The following DOP1A variants were observed in gnomAD, a reference collection of about 807,000 sequenced individuals.
The protein encoded by DOP1A is DOP1 leucine zipper like protein A.
Under a neutral mutation model 267.6 loss-of-function variants are expected in DOP1A, and 90 were observed. The observed-to-expected ratio is 0.34, with a 90% CI of 0.28 to 0.40. The LOEUF (loss-of-function observed/expected upper bound fraction) is 0.40. Ranked by LOEUF, DOP1A falls within the 10% of genes least tolerant of loss-of-function variation. The pLI is 1.00. For missense variants in DOP1A, 2,437 were observed against 2,900.4 expected (o/e 0.84, Z 3.67); for synonymous variants, 932 against 999.1 (o/e 0.93, Z 1.27).
In DOP1A at chr6:83,100,340, A is replaced by G. The variant is rs1464365925; in HGVS notation, c.139-365A>G. Among the ~76,000 whole-genome samples the G allele has an allele frequency of 2.6e-5, 4 of 152,144 alleles. No individual in the cohort carries two copies. The East Asian group carries it at 7.7e-4, about 29-fold the overall frequency. ...ATTTCAAAGTAGCAAAAATGGATTG[A>G]AGGCTGTAACTTTCCATGTTACATG... On this transcript the variant is annotated intron_variant, in intron 3 of 38. Coordinates refer to ENST00000349129, the MANE Select transcript of DOP1A (RefSeq NM_015018.4).
chr6:83,090,385 A>G (rs888593919), intron 1 of DOP1A, among the ~76,000 whole-genome samples: 1 of 152,178 alleles, frequency 6.6e-6, no homozygotes, highest in Non-Finnish European at 1.5e-5. Flanking sequence ...CCTACCGTCT[A>G]CTGCCTGTCT....
intron 37 of DOP1A, chr6:83,161,367 T>A (rs1784194066): frequency 1.3e-5 from 2 of 152,184 alleles, no homozygotes; most frequent in Admixed American, 1.3e-4. Flanking sequence ...GAGTAATATC[T>A]TAGCATGATC....
intron 3 of DOP1A, among the ~76,000 whole-genome samples, chr6:83,097,424 G>T (rs1003529573): frequency 2.6e-5 from 4 of 152,190 alleles, no homozygotes; most frequent in African/African-American, 7.2e-5. Flanking sequence ...TTCTGTAATG[G>T]AGCATCAGAT....
intron 38 of DOP1A, chr6:83,166,378 C>T (rs761605145): frequency 8.4e-5 from 59 of 700,542 alleles, no homozygotes; most frequent in Non-Finnish European, 1.3e-5. Context: ...TGCAAAACTT[C>T]TTGAGCCATC....
intron 6 of DOP1A, among the ~76,000 whole-genome samples, chr6:83,110,830 G>A (rs1021890830): frequency 6.6e-6 from 1 of 152,054 alleles, no homozygotes; most frequent in African/African-American, 2.4e-5. Flanking sequence ...TGACATTACT[G>A]ATATTTTAAT....
intron 6 of DOP1A, 70 bp downstream of exon 6, chr6:83,110,384 A>G (rs1774347450): frequency 6.9e-6 from 10 of 1,459,750 alleles, no homozygotes; most frequent in Non-Finnish European, 8.4e-6. Flanking sequence ...CCAGACATAT[A>G]TTGAGGATTG....
intron 33 of DOP1A, 39 bp from the exon 34 acceptor site, chr6:83,155,912 A>G (rs1170407984): frequency 4.4e-6 from 7 of 1,588,096 alleles, no homozygotes; most frequent in Non-Finnish European, 6.0e-6. Flanking sequence ...ATCTTTCTTC[A>G]GATGACAGTG....
intron 10 of DOP1A, 29 bp downstream of exon 10, chr6:83,120,820 T>C: frequency 2.9e-6 from 4 of 1,398,488 alleles, no homozygotes; most frequent in Non-Finnish European, 3.9e-6. Context: ...GGGCATAAGG[T>C]CATGTGTGGT....
intron 34 of DOP1A, among the ~76,000 whole-genome samples, chr6:83,156,872 T>C (rs1782917510): frequency 6.6e-6 from 1 of 152,198 alleles, no homozygotes; most frequent in Admixed American, 6.5e-5. Context: ...CTACTCAAAG[T>C]ATGGTCCATG....
intron 38 of DOP1A, 186 bp from the exon 39 acceptor site, chr6:83,167,676 T>G: frequency 7.3e-7 from 1 of 1,375,926 alleles, no homozygotes; most frequent in South Asian, 1.9e-5. Flanking sequence ...CTGCTCCATG[T>G]AAAACTAATA....
rs188555506 is a variant in DOP1A at position 83,144,046 on chromosome 6, A to G, written c.5542-1478A>G. Among the ~76,000 whole-genome samples the G allele has an allele frequency of 1.2e-4, 19 of 152,362 alleles. No individual in the cohort carries two copies. The East Asian group carries it at 3.7e-3, about 29-fold the overall frequency. On this transcript the variant is annotated intron_variant, in intron 24 of 38. Coordinates refer to ENST00000349129, the MANE Select transcript of DOP1A (RefSeq NM_015018.4). Reference sequence around the variant, plus strand: ...TTTGATGGGAAGTTAGTTTCAACCCATAATTCTATCTCCAGCCAAACTGTC... The same window carrying G: ...TTTGATGGGAAGTTAGTTTCAACCCGTAATTCTATCTCCAGCCAAACTGTC...
At chr6:83,158,677 C>A in intron 36 of DOP1A, 55 bp downstream of exon 36, 1 of 1,181,126 alleles carries the variant, frequency 8.5e-7, no homozygotes, top group Non-Finnish European at 1.2e-6. Flanking sequence ...TGAAATTATT[C>A]AGAATATTAC....
chr6:83,169,707 G>T (rs1403000829), downstream of DOP1A: 1 of 459,602 alleles, frequency 2.2e-6, no homozygotes, highest in Non-Finnish European at 4.4e-6. Context: ...TTAAGCTTCT[G>T]CAGGAAAGCT....
rs368290035 is a variant in DOP1A at position 83,140,185 on chromosome 6, T to C, written c.5233-36T>C. ...ATAAATTTCCATTTGTAAATCTCAGTAAGTAATATGTTTCTTTTCCCCCAA... is the reference window on the plus strand; with the variant it reads ...ATAAATTTCCATTTGTAAATCTCAGCAAGTAATATGTTTCTTTTCCCCCAA... On this transcript the variant is annotated intron_variant, in intron 22 of 38. Coordinates refer to ENST00000349129, the MANE Select transcript of DOP1A (RefSeq NM_015018.4). 1.6e-4 allele frequency: 261 copies of C among 1,605,708 alleles called. 1 individual carries two copies. The Middle Eastern group carries it at 5.0e-3, about 31-fold the overall frequency.
At chr6:83,095,989 G>A (rs376181667) in intron 1 of DOP1A, among the ~76,000 whole-genome samples, 30 of 152,272 alleles carry the variant, frequency 2.0e-4, no homozygotes, top group Non-Finnish European at 3.7e-4. Flanking sequence ...CCTGTTGGCC[G>A]TTACACATTG....
chr6:83,091,119 AAAAG>A (rs1770305982), intron 1 of DOP1A, among the ~76,000 whole-genome samples: 1 of 151,892 alleles, frequency 6.6e-6, no homozygotes, highest in African/African-American at 2.4e-5. Context: ...AAAAAAAAAA[AAAAG>A]CTTGTACAGG....
At position 83,096,765 on chromosome 6, in the gene DOP1A, CTT is replaced by C; in HGVS notation, c.-110_-109del. ...CACAAGTAGTTATCTTTCAGGCTGT[CTT>C]TGAATACTTCCATGACCCTGAACAC... On this transcript the variant is annotated 5_prime_UTR_variant, in exon 2 of 39. Transcript: ENST00000349129. The C allele has an allele frequency of 2.2e-6, 1 of 444,540 alleles. No individual in the cohort carries two copies. Among genetic ancestry groups the C allele is most frequent in the South Asian group, 9.0e-5 (1 of 11,090 alleles). 27.5% of individuals were successfully genotyped at this position (444,540 alleles called of 1,614,324 possible). A position where few individuals can be genotyped will look rare whatever the true frequency, so the allele number is the denominator to read the frequency against.
At chr6:83,135,531 A>G in intron 19 of DOP1A, 88 bp from the exon 20 acceptor site, 1 of 1,379,732 alleles carries the variant, frequency 7.2e-7, no homozygotes. Flanking sequence ...GTTAATTCAA[A>G]ATAAGAAACA....
At chr6:83,099,723 T>TATATATACACACACGTATAC (rs1554227581) in intron 3 of DOP1A, among the ~76,000 whole-genome samples, 1 of 151,026 alleles carries the variant, frequency 6.6e-6, no homozygotes, top group African/African-American at 2.5e-5. Context: ...TACATATATA[T>TATATATACACACACGTATAC]ATATATATAC....
Sources: gnomAD v4.1 joint callset for allele counts (sites outside exome capture counted in the v4.1 genomes callset) on GRCh38, gnomAD v4.1.1 for gene constraint, MANE v1.5 for transcripts, NCBI Gene and HGNC (gene_info 2026-07-23, HGNC 2026-07-21) for gene names.